PKNOX2: variants seen among roughly 807,000 people sequenced by gnomAD.
PKNOX2 encodes the protein PBX/knotted 1 homeobox 2.
A neutral mutation model predicts 53.1 loss-of-function variants in PKNOX2; 14 were observed. The ratio of observed to expected loss-of-function variants is 0.26; its 90% CI spans 0.17 to 0.41. The LOEUF is 0.41. PKNOX2 is among the 10% of genes least tolerant of loss of function. The probability of loss-of-function intolerance (pLI) is 1.00; values close to 1 mark genes in which losing one functional copy is unlikely to be tolerated. For synonymous variants in PKNOX2, 257 were observed against 242.8 expected, an observed-to-expected ratio of 1.06 and a Z score of -0.54; for missense variants, 496 against 602.8, an observed-to-expected ratio of 0.82 and a Z score of 1.85.
intron 2 of PKNOX2, among the ~76,000 whole-genome samples, chr11:125,305,576 C>T (rs953236716): frequency 2.0e-5 from 3 of 152,174 alleles, no homozygotes; most frequent in Non-Finnish European, 4.4e-5. Flanking sequence ...AGGGGAGCCA[C>T]TCAGCGCACG....
At position 125,432,175 on chromosome 11, in the gene PKNOX2, A is replaced by T. The variant is rs566492087; in HGVS notation, c.*783A>T. ...GATGGCAGACCCTGGGCTAGGAACC[A>T]TATGGAGGTGACTTTGAGGCCACAG... On this transcript the variant is annotated 3_prime_UTR_variant, in exon 13 of 13. Coordinates refer to ENST00000298282, the MANE Select transcript of PKNOX2 (RefSeq NM_001382323.2). The T allele has an allele frequency of 2.6e-5, 4 of 152,410 alleles. No individual in the cohort carries two copies. The East Asian group carries it at 7.7e-4, about 29-fold the overall frequency. The allele number at this position is 152,410 out of a possible 1,614,324, so 9.4% of individuals were successfully genotyped here.
At chr11:125,404,263 G>A (rs947728289) in intron 7 of PKNOX2, among the ~76,000 whole-genome samples, 3 of 152,224 alleles carry the variant, frequency 2.0e-5, no homozygotes, top group Admixed American at 6.5e-5. Context: ...CCCTGCAGCC[G>A]TGGAGCCCAG....
At chr11:125,275,920 G>T (rs1299139158) in intron 2 of PKNOX2, among the ~76,000 whole-genome samples, 1 of 152,148 alleles carries the variant, frequency 6.6e-6, no homozygotes, top group Non-Finnish European at 1.5e-5. Flanking sequence ...TTAAAGCAAT[G>T]GGGAAAGATC....
intron 4 of PKNOX2, among the ~76,000 whole-genome samples, chr11:125,361,465 G>T (rs146926264): frequency 3.2e-4 from 49 of 152,318 alleles, no homozygotes; most frequent in African/African-American, 1.1e-3. Flanking sequence ...GCTGTAAGTG[G>T]TAAGAGTGGG....
intron 4 of PKNOX2, among the ~76,000 whole-genome samples, chr11:125,358,886 C>A (rs1345439857): frequency 6.6e-6 from 1 of 152,168 alleles, no homozygotes; most frequent in South Asian, 2.1e-4. Flanking sequence ...GAGACCAGCC[C>A]GCTCATGAGA....
chr11:125,334,550 T>C (rs1236661645), intron 3 of PKNOX2, among the ~76,000 whole-genome samples: 1 of 151,880 alleles, frequency 6.6e-6, no homozygotes, highest in African/African-American at 2.4e-5. Flanking sequence ...ATTTGCTGCC[T>C]GTGAGATTTG....
At chr11:125,409,615 TGCA>T (rs1316189173) in intron 7 of PKNOX2, among the ~76,000 whole-genome samples, 2 of 152,120 alleles carry the variant, frequency 1.3e-5, no homozygotes, top group African/African-American at 4.8e-5. Flanking sequence ...GCTCTGTGTG[TGCA>T]GCCTAGTGTG....
chr11:125,413,681 C>T (rs1955701991), intron 10 of PKNOX2, among the ~76,000 whole-genome samples: 1 of 152,182 alleles, frequency 6.6e-6, no homozygotes, highest in Non-Finnish European at 1.5e-5. Context: ...TCACACTCGC[C>T]TCTTAGGAAG....
intron 2 of PKNOX2, among the ~76,000 whole-genome samples, chr11:125,244,638 T>G (rs529987767): frequency 2.2e-4 from 33 of 152,288 alleles, no homozygotes; most frequent in African/African-American, 7.7e-4. Flanking sequence ...GCACTGAACC[T>G]ATTTGTGAGT....
intron 1 of PKNOX2, among the ~76,000 whole-genome samples, chr11:125,201,055 G>A (rs1313075977): frequency 6.6e-6 from 1 of 152,116 alleles, no homozygotes; most frequent in Non-Finnish European, 1.5e-5. Context: ...ATTCAGCCTG[G>A]GGCCACCTTC....
intron 1 of PKNOX2, among the ~76,000 whole-genome samples, chr11:125,172,911 G>T (rs1244015043): frequency 6.6e-6 from 1 of 152,208 alleles, no homozygotes; most frequent in African/African-American, 2.4e-5. Context: ...ATAGGGGATG[G>T]CTCCATGAGG....
chr11:125,312,097 G>A (rs12275250), intron 2 of PKNOX2, among the ~76,000 whole-genome samples: 1 of 151,964 alleles, frequency 6.6e-6, no homozygotes, highest in Non-Finnish European at 1.5e-5. Flanking sequence ...GTTTCTTCAT[G>A]TGTAAAATGG....
In PKNOX2 at chr11:125,306,597, T is replaced by C. The variant is rs373271212; in HGVS notation, c.-129-25222T>C. On this transcript the variant is annotated intron_variant, in intron 2 of 12. Coordinates refer to ENST00000298282, the MANE Select transcript of PKNOX2 (RefSeq NM_001382323.2). ...AACATTAACATTTCCCAGACAGTTA[T>C]TGTGAGATAATGGTCCCAGCTATAA... Among the ~76,000 whole-genome samples, 339 of 152,374 alleles carry C rather than the reference T, an allele frequency of 2.2e-3. 1 individual carries two copies. Among genetic ancestry groups the C allele is most frequent in the African/African-American group, 6.9e-3 (289 of 41,588 alleles).
chr11:125,292,372 C>T (rs1402543933), intron 2 of PKNOX2, among the ~76,000 whole-genome samples: 2 of 152,206 alleles, frequency 1.3e-5, no homozygotes, highest in Non-Finnish European at 2.9e-5. Context: ...GACAGTCTTT[C>T]TGGAGTGGCA....
intron 1 of PKNOX2, among the ~76,000 whole-genome samples, chr11:125,207,795 T>C (rs1939319676): frequency 6.6e-6 from 1 of 152,148 alleles, no homozygotes; most frequent in African/African-American, 2.4e-5. Context: ...GGGGCATGGC[T>C]GGCTGTGCCA....
intron 4 of PKNOX2, among the ~76,000 whole-genome samples, chr11:125,365,735 C>A (rs763819448): frequency 5.2e-4 from 79 of 152,330 alleles, no homozygotes; most frequent in Non-Finnish European, 1.0e-3. Flanking sequence ...GTGTAGTTTT[C>A]TAATCCATGC....
chr11:125,167,783 C>T (rs1591466568), intron 1 of PKNOX2, among the ~76,000 whole-genome samples: 3 of 152,110 alleles, frequency 2.0e-5, no homozygotes, highest in African/African-American at 7.2e-5. Context: ...CAGTACCTCC[C>T]CTTTACTCTT....
intron 2 of PKNOX2, among the ~76,000 whole-genome samples, chr11:125,324,239 G>C (rs1166331338): frequency 6.6e-6 from 1 of 152,062 alleles, no homozygotes; most frequent in Non-Finnish European, 1.5e-5. Flanking sequence ...GTTTTCTTTG[G>C]GCCAGTCGCT....
intron 5 of PKNOX2, among the ~76,000 whole-genome samples, chr11:125,382,766 C>A (rs1313884210): frequency 6.6e-6 from 1 of 152,182 alleles, no homozygotes; most frequent in Non-Finnish European, 1.5e-5. Context: ...TTAGTGGCTG[C>A]AAATGAAGAC....
Sources: gnomAD v4.1 joint callset for allele counts (sites outside exome capture counted in the v4.1 genomes callset) on GRCh38, gnomAD v4.1.1 for gene constraint, MANE v1.5 for transcripts, NCBI Gene and HGNC (gene_info 2026-07-23, HGNC 2026-07-21) for gene names.